ABLIM1: variants seen among roughly 807,000 people sequenced by gnomAD.
The protein encoded by ABLIM1 is actin-binding LIM protein 1.
A neutral mutation model predicts 107.0 loss-of-function variants in ABLIM1; 40 were observed. That is an observed-to-expected ratio of 0.37 (90% CI 0.29 to 0.49). The LOEUF is 0.49. Among genes scored for constraint, ABLIM1 ranks in the 20% least tolerant of loss-of-function variants. The pLI is 0.97. For synonymous variants in ABLIM1, 357 were observed against 357.3 expected (o/e 1.00, Z 0.01); for missense variants, 857 against 1,008.5 (o/e 0.85, Z 2.04).
chr10:114,568,052 C>T (rs1348629078), intron 4 of ABLIM1, among the ~76,000 whole-genome samples: 3 of 151,068 alleles, frequency 2.0e-5, no homozygotes, highest in African/African-American at 7.3e-5. Flanking sequence ...TAGCCGGGCG[C>T]GGTGGCAGGC....
intron 4 of ABLIM1, among the ~76,000 whole-genome samples, chr10:114,558,154 G>A (rs1016035678): frequency 6.6e-6 from 1 of 151,990 alleles, no homozygotes; most frequent in Non-Finnish European, 1.5e-5. Flanking sequence ...CTGGTATTTC[G>A]GTAACCAATT....
intron 12 of ABLIM1, among the ~76,000 whole-genome samples, chr10:114,454,899 G>A (rs565614647): frequency 9.8e-4 from 149 of 152,242 alleles, no homozygotes; most frequent in African/African-American, 3.4e-3. Context: ...TTTTCTCCCA[G>A]TCTGTAGGTT....
intron 6 of ABLIM1, among the ~76,000 whole-genome samples, chr10:114,539,863 A>C (rs765794443): frequency 2.7e-5 from 4 of 150,742 alleles, no homozygotes; most frequent in African/African-American, 4.9e-5. Context: ...GCTGTTAGGC[A>C]GAAAGAAGGT....
chr10:114,764,910 A>C (rs1204326704), intron 1 of ABLIM1: 3 of 152,442 alleles, frequency 2.0e-5, no homozygotes, highest in East Asian at 3.9e-4. Flanking sequence ...ATCCCACCAA[A>C]GGCTTGAACA....
chr10:114,502,243 AC>A, intron 6 of ABLIM1: 2 of 174,040 alleles, frequency 1.1e-5, no homozygotes, highest in East Asian at 1.4e-4. Context: ...CTGGAGGGTA[AC>A]CAGGGACCTG....
At chr10:114,557,294 G>C (rs1452174901) in intron 4 of ABLIM1, among the ~76,000 whole-genome samples, 1 of 152,174 alleles carries the variant, frequency 6.6e-6, no homozygotes, top group Non-Finnish European at 1.5e-5. Flanking sequence ...GCCAGGGCAA[G>C]CCTCTGAAGT....
intron 2 of ABLIM1, among the ~76,000 whole-genome samples, chr10:114,593,918 C>T (rs868793011): frequency 6.6e-6 from 1 of 152,068 alleles, no homozygotes. Flanking sequence ...GCAACAAATT[C>T]AAAAAATAAA....
intron 2 of ABLIM1, among the ~76,000 whole-genome samples, chr10:114,584,393 A>C (rs1296971275): frequency 6.6e-6 from 1 of 152,218 alleles, no homozygotes; most frequent in Non-Finnish European, 1.5e-5. Context: ...ATCTTCCTAG[A>C]GAATACAAAA....
At chr10:114,679,460 C>T (rs751357832) in intron 1 of ABLIM1, among the ~76,000 whole-genome samples, 1 of 151,840 alleles carries the variant, frequency 6.6e-6, no homozygotes, top group East Asian at 1.9e-4. Flanking sequence ...CATGGAGAAA[C>T]CTTGTCTCTA....
At chr10:114,486,874 A>G (rs571707395) in intron 8 of ABLIM1, among the ~76,000 whole-genome samples, 1 of 152,354 alleles carries the variant, frequency 6.6e-6, no homozygotes, top group Non-Finnish European at 1.5e-5. Context: ...AAGAAAAAAC[A>G]AAAAACAAAG....
At chr10:114,538,788 G>GAC (rs1034796508) in intron 6 of ABLIM1, among the ~76,000 whole-genome samples, 2 of 152,176 alleles carry the variant, frequency 1.3e-5, no homozygotes, top group Non-Finnish European at 2.9e-5. Flanking sequence ...TGCAGTGTGG[G>GAC]ACGAGGGCCG....
At chr10:114,516,472 C>T (rs1056970674) in intron 6 of ABLIM1, among the ~76,000 whole-genome samples, 14 of 151,982 alleles carry the variant, frequency 9.2e-5, no homozygotes, top group Non-Finnish European at 1.6e-4. Context: ...TGCAGTGAGC[C>T]GAGATCGCAT....
At chr10:114,679,785 G>A (rs756213726) in intron 1 of ABLIM1, among the ~76,000 whole-genome samples, 2 of 152,040 alleles carry the variant, frequency 1.3e-5, no homozygotes, top group Non-Finnish European at 2.9e-5. Context: ...AAGAAGTCAG[G>A]CCAGAAAAAC....
chr10:114,498,663 T>C (rs943769659), intron 6 of ABLIM1, among the ~76,000 whole-genome samples: 4 of 152,224 alleles, frequency 2.6e-5, no homozygotes, highest in African/African-American at 7.2e-5. Flanking sequence ...TTCTGCCTAC[T>C]TTCAAAAAGG....
At chr10:114,666,439 C>G (rs949212206) in intron 1 of ABLIM1, among the ~76,000 whole-genome samples, 1 of 151,934 alleles carries the variant, frequency 6.6e-6, no homozygotes, top group East Asian at 1.9e-4. Context: ...AAATAAATCA[C>G]AAAGAAACTA....
chr10:114,571,023 G>A (rs10885584), intron 4 of ABLIM1, among the ~76,000 whole-genome samples: 3 of 152,122 alleles, frequency 2.0e-5, no homozygotes, highest in African/African-American at 4.8e-5. Context: ...GCTGATGCTC[G>A]TCATCTCCTG....
At position 114,614,825 on chromosome 10, in the gene ABLIM1, G is replaced by A. The variant is rs532860199; in HGVS notation, c.245-12864C>T. Among the ~76,000 whole-genome samples the A allele has an allele frequency of 3.3e-4, 50 of 152,118 alleles. No homozygotes were observed. In the South Asian group the frequency reaches 4.6e-3, roughly 14 times the overall value. On this transcript the variant is annotated intron_variant, in intron 1 of 22. Coordinates refer to ENST00000533213, the MANE Select transcript of ABLIM1 (RefSeq NM_002313.7). The stretch of plus-strand genomic sequence containing the variant: ...TCCCAGCACTTTGGGAGGCCAAGGC[G>A]GGTGGATCACCCGAGGTTGGGACGA...
chr10:114,444,049 T>C lies in ABLIM1; in HGVS notation c.1913A>G (p.Tyr638Cys). The C allele has an allele frequency of 3.7e-6, 6 of 1,607,998 alleles. No homozygotes were observed. The highest frequency in any genetic ancestry group is 4.2e-6 in the Non-Finnish European group (5 of 1,178,428). ...CTTACCTGAGTTGATGGGAGAATCG[T>C]AGCGACTGGCTAACAGAGATGACCT... Reference protein sequence around the residue: ...RERSSLLASRYDSPINSASHI... With the variant: ...RERSSLLASRCDSPINSASHI... Residue 638 changes from tyrosine to cysteine, a missense_variant, in exon 17 of 23, where the codon TAC (tyrosine) becomes TGC (cysteine). By Grantham distance (194) the Tyr-to-Cys change is radical. Transcript: ENST00000533213.
intron 1 of ABLIM1, among the ~76,000 whole-genome samples, chr10:114,757,129 T>C (rs988682879): frequency 6.6e-6 from 1 of 152,210 alleles, no homozygotes; most frequent in Non-Finnish European, 1.5e-5. Flanking sequence ...ACATAAGCCA[T>C]GTTTAAAAAT....
Sources: allele counts gnomAD v4.1 joint callset (sites outside exome capture counted in the v4.1 genomes callset), GRCh38; gene constraint gnomAD v4.1.1; transcripts MANE v1.5; gene names NCBI Gene and HGNC (gene_info 2026-07-23, HGNC 2026-07-21).